The following COG5 variants were observed in gnomAD, a reference collection of about 807,000 sequenced individuals.
COG5 encodes component of oligomeric golgi complex 5, also known as conserved oligomeric Golgi complex subunit 5.
In COG5, 86 loss-of-function variants were observed where a neutral mutation model predicts 110.4. That is an observed-to-expected ratio of 0.78 (90% confidence interval 0.65 to 0.93). The LOEUF is 0.93. COG5 is among the 40% of genes least tolerant of loss of function. The pLI is 0.00. For synonymous variants in COG5, 360 were observed against 334.6 expected, an observed-to-expected ratio of 1.08 and a Z score of -0.83; for missense variants, 1,077 against 987.0, an observed-to-expected ratio of 1.09 and a Z score of -1.22.
intron 6 of COG5, among the ~76,000 whole-genome samples, chr7:107,437,058 C>T (rs907044006): frequency 1.3e-5 from 2 of 152,110 alleles, no homozygotes; most frequent in Non-Finnish European, 2.9e-5. Flanking sequence ...CACCATTTAC[C>T]GGCCATGCAA....
At chr7:107,426,437 A>T (rs982758399) in intron 6 of COG5, among the ~76,000 whole-genome samples, 6 of 152,210 alleles carry the variant, frequency 3.9e-5, no homozygotes, top group Non-Finnish European at 1.5e-5. Flanking sequence ...TGGGTGGCTT[A>T]TAAACAACTG....
At chr7:107,270,642 C>T (rs1472434452) in intron 14 of COG5, among the ~76,000 whole-genome samples, 1 of 152,048 alleles carries the variant, frequency 6.6e-6, no homozygotes, top group Non-Finnish European at 1.5e-5. Context: ...CACACACACA[C>T]ACACCCCTTT....
intron 8 of COG5, among the ~76,000 whole-genome samples, chr7:107,371,450 T>C (rs58090065): frequency 0.021 from 3,119 of 151,926 alleles, 103 homozygotes; most frequent in African/African-American, 0.071. Flanking sequence ...AAATTAACAA[T>C]CTAAAAAAAA....
At chr7:107,450,853 A>G (rs139725008) in intron 6 of COG5, among the ~76,000 whole-genome samples, 18 of 152,292 alleles carry the variant, frequency 1.2e-4, no homozygotes, top group East Asian at 3.9e-4. Flanking sequence ...ACCTTGCCTT[A>G]AAGTTATTTT....
chr7:107,481,193 A>T (rs775988649), intron 6 of COG5, among the ~76,000 whole-genome samples: 8 of 152,118 alleles, frequency 5.3e-5, no homozygotes, highest in Non-Finnish European at 7.4e-5. Context: ...CATGAGAGCA[A>T]TATGTCATAT....
intron 6 of COG5, among the ~76,000 whole-genome samples, chr7:107,425,032 A>G (rs1184021535): frequency 6.6e-6 from 1 of 152,176 alleles, no homozygotes. Flanking sequence ...TGCACAATGA[A>G]CATCCAAAAG....
chr7:107,304,465 T>C (rs182198394), intron 11 of COG5, among the ~76,000 whole-genome samples: 1 of 152,354 alleles, frequency 6.6e-6, no homozygotes. Context: ...ATTCAATTAC[T>C]GAATGAACAA....
At position 107,259,818 on chromosome 7, in the gene COG5, A is replaced by C. The variant is rs1042919608; in HGVS notation, c.1576-1435T>G. 2.0e-5 allele frequency among the ~76,000 whole-genome samples: 3 copies of C among 152,108 alleles called. No individual in the cohort carries two copies. In the South Asian group the frequency reaches 6.2e-4, roughly 32 times the overall value. The stretch of plus-strand genomic sequence containing the variant: ...GAGTAGATATGCTTGCTGCTAGAAA[A>C]GGGTGGAGATCCTTTATTATTGAGG... On this transcript the variant is annotated intron_variant, in intron 14 of 21. Transcript: ENST00000297135.
chr7:107,212,054 A>G (rs1425705310), intron 19 of COG5, among the ~76,000 whole-genome samples: 1 of 152,174 alleles, frequency 6.6e-6, no homozygotes, highest in Non-Finnish European at 1.5e-5. Context: ...TAATTACTCT[A>G]ATTATGAATG....
At chr7:107,515,180 C>T (rs1391267081) in intron 6 of COG5, among the ~76,000 whole-genome samples, 1 of 152,042 alleles carries the variant, frequency 6.6e-6, no homozygotes, top group African/African-American at 2.4e-5. Flanking sequence ...GGAAATTTTT[C>T]CTCCTTTAAT....
At chr7:107,364,690 A>G (rs1813439098) in intron 8 of COG5, among the ~76,000 whole-genome samples, 1 of 152,206 alleles carries the variant, frequency 6.6e-6, no homozygotes, top group Non-Finnish European at 1.5e-5. Flanking sequence ...AAGATCAAGA[A>G]AACCAGAGGG....
intron 10 of COG5, 82 bp downstream of exon 10, chr7:107,361,943 TCTATAAGG>T: frequency 1.2e-6 from 1 of 812,334 alleles, no homozygotes; most frequent in Admixed American, 2.1e-5. Context: ...ATGTAGCCAC[TCTATAAGG>T]TAGTAGTAAC....
intron 5 of COG5, among the ~76,000 whole-genome samples, chr7:107,540,282 A>C (rs1584947164): frequency 6.6e-6 from 1 of 152,288 alleles, no homozygotes; most frequent in East Asian, 1.9e-4. Flanking sequence ...ATTTAAAACT[A>C]AATCTCAAAA....
intron 6 of COG5, among the ~76,000 whole-genome samples, chr7:107,499,141 G>A (rs1798473782): frequency 6.6e-6 from 1 of 152,080 alleles, no homozygotes; most frequent in African/African-American, 2.4e-5. Flanking sequence ...GCCAGGGGCT[G>A]GGGGAGAGGA....
At chr7:107,508,540 T>C (rs1047595192) in intron 6 of COG5, among the ~76,000 whole-genome samples, 8 of 152,176 alleles carry the variant, frequency 5.3e-5, no homozygotes, top group Admixed American at 1.3e-4. Flanking sequence ...TAGTGGTTCT[T>C]CCACTACGCA....
At chr7:107,271,329 T>C (rs1043284394) in intron 14 of COG5, among the ~76,000 whole-genome samples, 1 of 152,166 alleles carries the variant, frequency 6.6e-6, no homozygotes, top group Non-Finnish European at 1.5e-5. Flanking sequence ...TTTTTAAAGT[T>C]AGAATTTTTA....
intron 11 of COG5, among the ~76,000 whole-genome samples, chr7:107,310,807 T>A (rs976900272): frequency 2.0e-5 from 3 of 152,126 alleles, no homozygotes; most frequent in African/African-American, 7.2e-5. Context: ...GACAGCTGGA[T>A]AACAAAGGCC....
Position 107,476,183 on chromosome 7 carries a change from T to TAAAAAAAAAAAAAAAAAAA in COG5, c.538+51053_538+51054insTTTTTTTTTTTTTTTTTTT, listed in dbSNP as rs1563056700. ...TCTGGATTAATATAGTGCAATGATT[T>TAAAAAAAAAAAAAAAAAAA]TAAAAAAAAAAAAAAAAAAAAAAAG... On this transcript the variant is annotated intron_variant, in intron 6 of 21. Transcript: ENST00000297135. 2.2e-3 allele frequency among the ~76,000 whole-genome samples: 192 copies of TAAAAAAAAAAAAAAAAAAA among 86,296 alleles called. 8 individuals carry two copies. Among genetic ancestry groups the TAAAAAAAAAAAAAAAAAAA allele is most frequent in the Middle Eastern group, 6.3e-3 (1 of 158 alleles). The allele number at this position is 86,296 out of a possible 152,430, so 56.6% of individuals were successfully genotyped here. A position where few individuals can be genotyped will look rare whatever the true frequency, so the allele number is the denominator to read the frequency against.
intron 16 of COG5, among the ~76,000 whole-genome samples, chr7:107,251,826 A>G (rs1190023716): frequency 6.6e-6 from 1 of 152,176 alleles, no homozygotes; most frequent in Non-Finnish European, 1.5e-5. Flanking sequence ...ATCCAAAGAT[A>G]AACAGAAAGT....
Sources: gnomAD v4.1 joint callset for allele counts (sites outside exome capture counted in the v4.1 genomes callset) on GRCh38, gnomAD v4.1.1 for gene constraint, MANE v1.5 for transcripts, NCBI Gene and HGNC (gene_info 2026-07-23, HGNC 2026-07-21) for gene names.